The following EDA variants were observed in gnomAD, a reference collection of about 807,000 sequenced individuals.
EDA encodes ectodysplasin-A.
EDA carries 2 observed loss-of-function variants against 23.6 expected under a neutral mutation model. The ratio of observed to expected loss-of-function variants is 0.08; its 90% CI spans 0.03 to 0.27. The LOEUF (loss-of-function observed/expected upper bound fraction) is 0.27. EDA is among the 10% of genes least tolerant of loss of function. The pLI is 1.00. For synonymous variants in EDA, 131 were observed against 132.0 expected (o/e 0.99, Z 0.05); for missense variants, 229 against 324.2 (o/e 0.71, Z 2.26).
intron 1 of EDA, among the ~76,000 whole-genome samples, chrX:69,752,246 A>T (rs1228600623): frequency 9.0e-6 from 1 of 111,341 alleles, no homozygotes; most frequent in Admixed American, 9.5e-5. Context: ...TTTGAGATAC[A>T]TCCCATCAGT....
chrX:69,727,392 T>TG (rs758536467), intron 1 of EDA, among the ~76,000 whole-genome samples: 221 of 112,220 alleles, frequency 2.0e-3, no homozygotes, highest in African/African-American at 6.7e-3. Context: ...GCCAGGGAAC[T>TG]GCCCTCTACT....
At chrX:70,022,626 A>G (rs1402011591) in intron 2 of EDA, among the ~76,000 whole-genome samples, 1 of 110,542 alleles carries the variant, frequency 9.0e-6, no homozygotes, top group Non-Finnish European at 1.9e-5. Flanking sequence ...GTGAGCCACC[A>G]CCCCCGGCCG....
intron 1 of EDA, among the ~76,000 whole-genome samples, chrX:69,782,470 C>A (rs181028321): frequency 9.3e-6 from 1 of 107,023 alleles, no homozygotes; most frequent in African/African-American, 3.4e-5. Context: ...TTATTTTGGT[C>A]TTGTGTGGCC....
chrX:69,773,092 A>C (rs1315989374), intron 1 of EDA, among the ~76,000 whole-genome samples: 1 of 111,866 alleles, frequency 8.9e-6, no homozygotes, highest in Non-Finnish European at 1.9e-5. Flanking sequence ...CTAGCCCCTG[A>C]TAACTACTAA....
At chrX:69,905,669 T>C (rs7053707) in intron 1 of EDA, among the ~76,000 whole-genome samples, 8,642 of 111,413 alleles carry the variant, frequency 0.078, 1,005 homozygotes, top group East Asian at 0.71. Flanking sequence ...ATATAAACTA[T>C]GGTAGTTAGA....
chrX:70,017,266 A>G (rs780255181), intron 2 of EDA, among the ~76,000 whole-genome samples: 76 of 111,982 alleles, frequency 6.8e-4, no homozygotes, highest in African/African-American at 2.1e-3. Flanking sequence ...TTCACAGCCA[A>G]ATTCTACCAG....
chrX:69,987,668 A>G (rs2019523178), intron 2 of EDA, among the ~76,000 whole-genome samples: 1 of 111,151 alleles, frequency 9.0e-6, no homozygotes, highest in Admixed American at 9.5e-5. Flanking sequence ...CTTTTTGACC[A>G]TACTTTTCCT....
intron 7 of EDA, among the ~76,000 whole-genome samples, chrX:70,035,149 G>A (rs1030727503): frequency 4.1e-4 from 46 of 111,818 alleles, no homozygotes; most frequent in Non-Finnish European, 2.8e-4. Flanking sequence ...AGTTTGCTCA[G>A]CCAGCTGAGC....
intron 1 of EDA, among the ~76,000 whole-genome samples, chrX:69,777,213 G>T (rs2014813127): frequency 9.1e-6 from 1 of 109,586 alleles, no homozygotes; most frequent in African/African-American, 3.3e-5. Flanking sequence ...CAATATGGAG[G>T]TTAAACATGC....
chrX:69,785,892 G>C (rs2015147946), intron 1 of EDA, among the ~76,000 whole-genome samples: 1 of 109,583 alleles, frequency 9.1e-6, no homozygotes, highest in Admixed American at 9.7e-5. Flanking sequence ...TTGTACCTCT[G>C]GTAGAATTCG....
intron 1 of EDA, among the ~76,000 whole-genome samples, chrX:69,618,035 C>T (rs910035718): frequency 2.7e-5 from 3 of 111,379 alleles, no homozygotes; most frequent in African/African-American, 6.5e-5. Flanking sequence ...AGCAGACATG[C>T]TTCTCATACT....
At chrX:69,755,218 G>A (rs1438075879) in intron 1 of EDA, among the ~76,000 whole-genome samples, 3 of 111,665 alleles carry the variant, frequency 2.7e-5, no homozygotes, top group East Asian at 2.8e-4. Context: ...CTTTGATGAT[G>A]GTGACGTACA....
At chrX:70,018,454 G>A (rs1452302734) in intron 2 of EDA, among the ~76,000 whole-genome samples, 1 of 112,077 alleles carries the variant, frequency 8.9e-6, no homozygotes, top group Non-Finnish European at 1.9e-5. Context: ...CAAACTATAT[G>A]TTAAGGCTGC....
intron 1 of EDA, among the ~76,000 whole-genome samples, chrX:69,699,776 C>T (rs143947787): frequency 2.5e-4 from 28 of 110,268 alleles, no homozygotes; most frequent in African/African-American, 6.6e-4. Flanking sequence ...GAGAGCCTTA[C>T]GGAGTAGACG....
At chrX:69,774,659 A>C (rs1382614040) in intron 1 of EDA, among the ~76,000 whole-genome samples, 1 of 111,966 alleles carries the variant, frequency 8.9e-6, no homozygotes. Context: ...ATATTGTTTT[A>C]AATTGTAACT....
At chrX:69,852,182 T>C (rs1275769661) in intron 1 of EDA, among the ~76,000 whole-genome samples, 2 of 111,360 alleles carry the variant, frequency 1.8e-5, no homozygotes, top group East Asian at 2.8e-4. Context: ...CAGGATGGAG[T>C]GCAATGGCAC....
At chrX:69,795,901 A>G (rs979765494) in intron 1 of EDA, among the ~76,000 whole-genome samples, 4 of 112,011 alleles carry the variant, frequency 3.6e-5, no homozygotes, top group African/African-American at 1.3e-4. Flanking sequence ...CATACAGTCC[A>G]GGGACCAGGG....
intron 1 of EDA, among the ~76,000 whole-genome samples, chrX:69,793,564 G>GTTTTTTTTTTT (rs1362047098): frequency 3.0e-5 from 1 of 32,897 alleles, no homozygotes; most frequent in African/African-American, 1.7e-4. Context: ...TTGTTTGTTT[G>GTTTTTTTTTTT]TTTTTGTTTT....
At chrX:69,638,129 A>G (rs1478829319) in intron 1 of EDA, among the ~76,000 whole-genome samples, 1 of 112,144 alleles carries the variant, frequency 8.9e-6, no homozygotes, top group Non-Finnish European at 1.9e-5. Flanking sequence ...GCAAAGATCA[A>G]TACAAATCCC....
Sources: gnomAD v4.1 joint callset for allele counts (sites outside exome capture counted in the v4.1 genomes callset) on GRCh38, gnomAD v4.1.1 for gene constraint, MANE v1.5 for transcripts, NCBI Gene and HGNC (gene_info 2026-07-23, HGNC 2026-07-21) for gene names.